Variants in CTPS2 observed in about 807,000 individuals in gnomAD.
CTPS2 encodes CTP synthase II.
Under a neutral mutation model 46.8 loss-of-function variants are expected in CTPS2, and 19 were observed. That is an observed-to-expected ratio of 0.41 (90% confidence interval 0.28 to 0.60). The LOEUF (loss-of-function observed/expected upper bound fraction) is 0.60. CTPS2 is among the 20% of genes least tolerant of loss of function. The pLI, the probability that CTPS2 is intolerant of heterozygous loss-of-function variation, is 0.35. For synonymous variants in CTPS2, 151 were observed against 165.2 expected, an observed-to-expected ratio of 0.91 and a Z score of 0.66; for missense variants, 286 against 447.6, an observed-to-expected ratio of 0.64 and a Z score of 3.26.
chrX:16,647,255 CTTTTTTT>C (rs746634342), intron 13 of CTPS2, among the ~76,000 whole-genome samples: 4 of 39,757 alleles, frequency 1.0e-4, no homozygotes, highest in African/African-American at 4.0e-4. Flanking sequence ...TGGGCCCATT[CTTTTTTT>C]TTTTTTTTTT....
At chrX:16,619,008 C>T (rs749570470) in intron 15 of CTPS2, among the ~76,000 whole-genome samples, 8 of 112,156 alleles carry the variant, frequency 7.1e-5, no homozygotes, top group African/African-American at 2.6e-4. Flanking sequence ...CTATTGCGTA[C>T]GTACCAGTTC....
chrX:16,691,702 G>A (rs1375395401), intron 6 of CTPS2, 82 bp from the exon 7 acceptor site: 9 of 806,509 alleles, frequency 1.1e-5, no homozygotes, highest in South Asian at 2.2e-5. Context: ...AAGAAACTTG[G>A]CCAAGTATGT....
intron 9 of CTPS2, 99 bp downstream of exon 9, chrX:16,682,995 C>T (rs1157771775): frequency 1.1e-6 from 1 of 903,784 alleles, no homozygotes; most frequent in African/African-American, 1.9e-5. Flanking sequence ...GTAAGTCCTG[C>T]AGGTGATCTC....
At chrX:16,641,307 C>T (rs1330866623) in intron 13 of CTPS2, among the ~76,000 whole-genome samples, 2 of 112,369 alleles carry the variant, frequency 1.8e-5, no homozygotes, top group African/African-American at 6.5e-5. Context: ...AAGTGCACTA[C>T]GACTCTTCAG....
chrX:16,704,336 T>C (rs957004124), intron 1 of CTPS2, among the ~76,000 whole-genome samples: 1 of 111,405 alleles, frequency 9.0e-6, no homozygotes, highest in Non-Finnish European at 1.9e-5. Flanking sequence ...TAAAAAAAAA[T>C]GGGCTACCAA....
Position 16,678,461 on chromosome X carries a change from T to C in CTPS2, c.1006-11A>G, listed in dbSNP as rs779318059. The C allele has an allele frequency of 5.9e-5, 65 of 1,097,118 alleles. No individual in the cohort carries two copies. The highest frequency in any genetic ancestry group is 4.9e-4 in the Middle Eastern group (2 of 4,122). The allele number at this position is 1,097,118 out of a possible 1,213,427, so 90.4% of individuals were successfully genotyped here. A position where few individuals can be genotyped will look rare whatever the true frequency, so the allele number is the denominator to read the frequency against. On this transcript the variant is annotated splice_polypyrimidine_tract_variant and intron_variant, in intron 9 of 18. Coordinates refer to ENST00000359276, the MANE Select transcript of CTPS2 (RefSeq NM_175859.3). ...AATGGAGTCTATGTACTAAAAAACA[T>C]CCAACAGATAAAAGGAGTATTTAAG...
At chrX:16,704,079 C>T (rs774303150) in intron 1 of CTPS2, among the ~76,000 whole-genome samples, 66 of 110,000 alleles carry the variant, frequency 6.0e-4, no homozygotes, top group African/African-American at 2.0e-3. Context: ...GCTGGGATTA[C>T]GGGCATGCAC....
intron 2 of CTPS2, 21 bp from the exon 3 acceptor site, chrX:16,699,114 G>A: frequency 9.1e-7 from 1 of 1,095,283 alleles, no homozygotes; most frequent in Non-Finnish European, 1.2e-6. Flanking sequence ...AAAGGCAATG[G>A]AAAAATCAAA....
At position 16,588,521 on chromosome X, in the gene CTPS2, G is replaced by A. The variant is rs772704911; in HGVS notation, c.*1296C>T. 2.2e-4 allele frequency: 20 copies of A among 89,242 alleles called. No homozygotes were observed. The highest frequency in any genetic ancestry group is 2.1e-3 in the Admixed American group (16 of 7,466). The allele number at this position is 89,242 out of a possible 1,213,427, so 7.4% of individuals were successfully genotyped here. ...GGTTTTGTGATCAGTGGGAATGCATGAAAAAATGCTCTAGTGGGGGTGAGC... is the reference window on the plus strand; with the variant it reads ...GGTTTTGTGATCAGTGGGAATGCATAAAAAAATGCTCTAGTGGGGGTGAGC... On this transcript the variant is annotated 3_prime_UTR_variant, in exon 19 of 19. Coordinates refer to ENST00000359276, the MANE Select transcript of CTPS2 (RefSeq NM_175859.3).
In CTPS2 at chrX:16,670,573, G is replaced by C. The variant is rs771668293; in HGVS notation, c.1189+7C>G. The C allele has an allele frequency of 2.5e-5, 30 of 1,188,527 alleles. No homozygotes were observed. The highest frequency in any genetic ancestry group is 9.0e-5 in the East Asian group (3 of 33,498). The stretch of plus-strand genomic sequence containing the variant: ...TCATAGTTAGGGTCAATAAACATGA[G>C]TTTTACCCAGAAAAGGAATCTTCTT... On this transcript the variant is annotated splice_region_variant and intron_variant, in intron 11 of 18. Coordinates refer to ENST00000359276, the MANE Select transcript of CTPS2 (RefSeq NM_175859.3).
chrX:16,664,878 T>C lies in CTPS2; in HGVS notation c.1296+2636A>G, dbSNP rs189176151. Among the ~76,000 whole-genome samples the C allele has an allele frequency of 1.8e-3, 205 of 111,924 alleles. 1 individual carries two copies. Among genetic ancestry groups the C allele is most frequent in the Non-Finnish European group, 3.3e-3 (177 of 53,224 alleles). ...AGAATGATGTGTTCCCAAATGCCGA[T>C]AGCACAGATTATATATAAGGAACTT... On this transcript the variant is annotated intron_variant, in intron 13 of 18. Transcript: ENST00000359276.
chrX:16,708,083 T>A (rs1343534045), intron 1 of CTPS2, among the ~76,000 whole-genome samples: 1 of 112,598 alleles, frequency 8.9e-6, no homozygotes, highest in Non-Finnish European at 1.9e-5. Flanking sequence ...TTTTTTTACA[T>A]ACTTGGAAAT....
At chrX:16,692,533 T>A (rs1192940342) in intron 6 of CTPS2, among the ~76,000 whole-genome samples, 1 of 110,684 alleles carries the variant, frequency 9.0e-6, no homozygotes, top group Non-Finnish European at 1.9e-5. Context: ...CACAGGAAAA[T>A]CCCAAGGTTT....
At chrX:16,647,697 T>C (rs995318795) in intron 13 of CTPS2, among the ~76,000 whole-genome samples, 2 of 111,671 alleles carry the variant, frequency 1.8e-5, no homozygotes, top group Non-Finnish European at 3.8e-5. Flanking sequence ...ACACGTCATA[T>C]GTAATATATG....
intron 9 of CTPS2, among the ~76,000 whole-genome samples, chrX:16,678,772 T>G (rs1478782828): frequency 9.2e-6 from 1 of 108,722 alleles, no homozygotes; most frequent in African/African-American, 3.4e-5. Flanking sequence ...GAAGCTGAGG[T>G]GGGAGGATCC....
At chrX:16,689,395 C>A in intron 8 of CTPS2, 55 bp downstream of exon 8, 1 of 1,153,339 alleles carries the variant, frequency 8.7e-7, no homozygotes, top group East Asian at 3.0e-5. Flanking sequence ...GGTCTTAGTT[C>A]TACCCCCAAA....
intron 4 of CTPS2, among the ~76,000 whole-genome samples, chrX:16,694,896 G>A (rs1923996016): frequency 9.0e-6 from 1 of 111,636 alleles, no homozygotes; most frequent in East Asian, 2.8e-4. Flanking sequence ...TCAGGAGGCT[G>A]AGGTGGGAGG....
chrX:16,605,443 C>T (rs1261765231), intron 17 of CTPS2, among the ~76,000 whole-genome samples: 10 of 111,685 alleles, frequency 9.0e-5, no homozygotes, highest in African/African-American at 2.9e-4. Context: ...GCTATAAGGC[C>T]GGTCGCGGTG....
chrX:16,689,506 C>A lies in CTPS2; in HGVS notation c.816G>T (p.Leu272=). 8.3e-7 allele frequency: 1 copy of A among 1,210,473 alleles called. No homozygotes were observed. Among genetic ancestry groups the A allele is most frequent in the Non-Finnish European group, 1.1e-6 (1 of 894,537 alleles). The change falls in exon 8 of 19, where the codon CTG becomes CTT. Residue 272 remains leucine (L), a synonymous_variant. Transcript: ENST00000359276. The part of the protein sequence containing the change: ...IVKYFKERLH[L]PIGDSASNLL... The stretch of plus-strand genomic sequence containing the variant: ...AATTACTTGCAGAATCACCGATGGG[C>A]AGGTGCAATCTCTCCTTAAAATATT...
Sources: gnomAD v4.1 joint callset for allele counts (sites outside exome capture counted in the v4.1 genomes callset) on GRCh38, gnomAD v4.1.1 for gene constraint, MANE v1.5 for transcripts, NCBI Gene and HGNC (gene_info 2026-07-23, HGNC 2026-07-21) for gene names.